Variants in PLD1 observed in about 807,000 individuals in gnomAD.
The protein encoded by PLD1 is phospholipase D1.
Under a neutral mutation model 137.1 loss-of-function variants are expected in PLD1, and 112 were observed. The ratio of observed to expected loss-of-function variants is 0.82; its 90% confidence interval spans 0.70 to 0.96. PLD1 has a LOEUF of 0.96. PLD1 is among the 40% of genes least tolerant of loss of function. The probability of loss-of-function intolerance (pLI) is 0.00; values close to 1 mark genes in which losing one functional copy is unlikely to be tolerated. For missense variants in PLD1, 1,321 were observed against 1,342.0 expected (o/e 0.98, Z 0.24); for synonymous variants, 431 against 454.7 (o/e 0.95, Z 0.66).
chr3:171,642,145 T>C (rs545457180), intron 23 of PLD1, among the ~76,000 whole-genome samples: 1 of 152,048 alleles, frequency 6.6e-6, no homozygotes, highest in African/African-American at 2.4e-5. Context: ...AAGAACTAGG[T>C]AGAAGAATCA....
At position 171,686,707 on chromosome 3, in the gene PLD1, T is replaced by C; in HGVS notation, c.1845A>G (p.Gln615=). Residue 615 remains glutamine, a synonymous_variant, in exon 16 of 27, where the codon CAA becomes CAG. Transcript: ENST00000351298. ...KLFHPSSESE[Q]GLTRPHADTG... is the part of the protein sequence containing the mutation. ...TACCAGCATGAGGTCTAGTGAGTCC[T>C]TGCTCAGACTCACTGGACGGGTGAA... 6.3e-7 allele frequency: 1 copy of C among 1,592,810 alleles called. No individual in the cohort carries two copies. Among genetic ancestry groups the C allele is most frequent in the Non-Finnish European group, 8.6e-7 (1 of 1,161,994 alleles).
chr3:171,741,579 G>C (rs1719775206), intron 1 of PLD1, among the ~76,000 whole-genome samples: 1 of 152,190 alleles, frequency 6.6e-6, no homozygotes, highest in South Asian at 2.1e-4. Flanking sequence ...AAATTATACT[G>C]CAAGATCATT....
chr3:171,742,494 A>AT (rs11391936), intron 1 of PLD1, among the ~76,000 whole-genome samples: 78,665 of 151,936 alleles, frequency 0.52, 21,539 homozygotes, highest in African/African-American at 0.7. Context: ...GCAAAAATTC[A>AT]TTTTTTTCTA....
At chr3:171,627,096 G>T (rs1352251985) in intron 23 of PLD1, among the ~76,000 whole-genome samples, 1 of 152,170 alleles carries the variant, frequency 6.6e-6, no homozygotes, top group Non-Finnish European at 1.5e-5. Flanking sequence ...CCATCAGTGT[G>T]CTGTATTCAG....
intron 8 of PLD1, among the ~76,000 whole-genome samples, chr3:171,719,675 C>A (rs139787753): frequency 6.6e-6 from 1 of 152,186 alleles, no homozygotes; most frequent in Non-Finnish European, 1.5e-5. Context: ...TATTTGTTAA[C>A]GTCTATACAT....
intron 1 of PLD1, among the ~76,000 whole-genome samples, chr3:171,807,010 TA>T (rs1723873700): frequency 6.6e-6 from 1 of 152,196 alleles, no homozygotes; most frequent in South Asian, 2.1e-4. Flanking sequence ...TTTTCTCTTT[TA>T]AAAGTGCATT....
chr3:171,775,787 G>C (rs1722570992), intron 1 of PLD1, among the ~76,000 whole-genome samples: 1 of 152,138 alleles, frequency 6.6e-6, no homozygotes, highest in South Asian at 2.1e-4. Flanking sequence ...AGGTTGCAGT[G>C]AGCAGAGACT....
intron 1 of PLD1, among the ~76,000 whole-genome samples, chr3:171,784,878 C>T (rs1004686381): frequency 6.6e-6 from 1 of 152,212 alleles, no homozygotes; most frequent in Non-Finnish European, 1.5e-5. Context: ...ATCTGGATCT[C>T]CATATTTACC....
chr3:171,713,551 G>A (rs1717433257), intron 9 of PLD1, among the ~76,000 whole-genome samples: 1 of 152,174 alleles, frequency 6.6e-6, no homozygotes, highest in Admixed American at 6.5e-5. Context: ...TTGGTGTTTT[G>A]TTAATTAAAG....
At chr3:171,758,095 A>G (rs779430393) in intron 1 of PLD1, among the ~76,000 whole-genome samples, 1 of 152,234 alleles carries the variant, frequency 6.6e-6, no homozygotes, top group Non-Finnish European at 1.5e-5. Flanking sequence ...CATGTGGTAG[A>G]TGTTCAATAA....
intron 5 of PLD1, 26 bp from the exon 6 acceptor site, chr3:171,733,535 T>C (rs773513943): frequency 1.2e-6 from 1 of 847,794 alleles, no homozygotes; most frequent in South Asian, 1.4e-5. Flanking sequence ...TTTAGATAAG[T>C]GTTAACATGG....
chr3:171,662,259 C>T, intron 19 of PLD1, 89 bp from the exon 20 acceptor site: 2 of 730,476 alleles, frequency 2.7e-6, no homozygotes, highest in East Asian at 2.6e-5. Context: ...CTTTTTCTTC[C>T]AGACGACTGA....
At chr3:171,677,012 A>G (rs1163590228) in intron 17 of PLD1, among the ~76,000 whole-genome samples, 179 bp from the exon 18 acceptor site, 2 of 152,252 alleles carry the variant, frequency 1.3e-5, no homozygotes, top group Non-Finnish European at 2.9e-5. Context: ...ATTCAGGGAC[A>G]TAGTCTCCCA....
chr3:171,662,285 T>C (rs1711575022), intron 19 of PLD1, 115 bp from the exon 20 acceptor site: 2 of 643,706 alleles, frequency 3.1e-6, no homozygotes, highest in Non-Finnish European at 5.6e-6. Context: ...TACAGTGGCT[T>C]GAGTGTCATG....
chr3:171,755,141 A>C (rs943198146), intron 1 of PLD1, among the ~76,000 whole-genome samples: 1 of 152,132 alleles, frequency 6.6e-6, no homozygotes, highest in Non-Finnish European at 1.5e-5. Flanking sequence ...CAAGGCTTCT[A>C]AACAGGGGCT....
At position 171,603,289 on chromosome 3, in the gene PLD1, A is replaced by G; in HGVS notation, c.3014T>C (p.Leu1005Pro). 6.2e-7 allele frequency: 1 copy of G among 1,613,712 alleles called. No homozygotes were observed. Among genetic ancestry groups the G allele is most frequent in the Non-Finnish European group, 8.5e-7 (1 of 1,179,706 alleles). ...TAAATTGTGTACTTCATCATTGGGA[A>G]GGCACCGGAAAACCTGATTAGAGCA... is the stretch of plus-strand genomic sequence containing the variant. Reference protein sequence around the residue: ...ATIYDKVFRCLPNDEVHNLIQ... With the variant: ...ATIYDKVFRCPPNDEVHNLIQ... The change falls in exon 27 of 27, where the codon CTT (leucine) becomes CCT (proline). Residue 1005 changes from leucine (L) to proline (P), a missense_variant. Leu to Pro is a moderately conservative substitution (Grantham distance 98). Coordinates refer to ENST00000351298, the MANE Select transcript of PLD1 (RefSeq NM_002662.5).
chr3:171,629,048 A>C (rs201102224), intron 23 of PLD1, among the ~76,000 whole-genome samples: 25,375 of 148,510 alleles, frequency 0.17, 2,096 homozygotes, highest in South Asian at 0.23. Flanking sequence ...AGGGTATTCA[A>C]TTAGGAAAAG....
intron 19 of PLD1, among the ~76,000 whole-genome samples, chr3:171,669,709 AC>A (rs1192041727): frequency 6.6e-6 from 1 of 152,204 alleles, no homozygotes; most frequent in Non-Finnish European, 1.5e-5. Flanking sequence ...CCTGTTGCAA[AC>A]TTTTGAAACA....
In PLD1 at chr3:171,648,801, G is replaced by A. The variant is rs534674458; in HGVS notation, c.2430-3778C>T. Among the ~76,000 whole-genome samples, 218 of 152,192 alleles carry A rather than the reference G, an allele frequency of 1.4e-3. 2 individuals are homozygous for A. The highest frequency in any genetic ancestry group is 1.2e-3 in the Admixed American group (19 of 15,292). Reference sequence around the variant, plus strand: ...GATATCCTGACCTCGTGATCCACCCGCCTCGGCCTCCCAAAGTGCTGGTAT... The same window carrying A: ...GATATCCTGACCTCGTGATCCACCCACCTCGGCCTCCCAAAGTGCTGGTAT... On this transcript the variant is annotated intron_variant, in intron 21 of 26. Coordinates refer to ENST00000351298, the MANE Select transcript of PLD1 (RefSeq NM_002662.5).
Sources: gnomAD v4.1 joint callset for allele counts (sites outside exome capture counted in the v4.1 genomes callset) on GRCh38, gnomAD v4.1.1 for gene constraint, MANE v1.5 for transcripts, NCBI Gene and HGNC (gene_info 2026-07-23, HGNC 2026-07-21) for gene names.